The following CMIP variants were observed in gnomAD, a reference collection of about 807,000 sequenced individuals.
The protein encoded by CMIP is c-Maf inducing protein.
Under a neutral mutation model 97.3 loss-of-function variants are expected in CMIP, and 13 were observed. The observed-to-expected ratio is 0.13, with a 90% CI of 0.09 to 0.21. CMIP has a LOEUF of 0.21. CMIP is among the 10% of genes least tolerant of loss of function. The pLI is 1.00. For synonymous variants in CMIP, 538 were observed against 436.3 expected, an observed-to-expected ratio of 1.23 and a Z score of -2.91; for missense variants, 847 against 1,024.9, an observed-to-expected ratio of 0.83 and a Z score of 2.37.
chr16:81,633,902 T>G (rs1352669007), intron 3 of CMIP, among the ~76,000 whole-genome samples: 1 of 152,194 alleles, frequency 6.6e-6, no homozygotes, highest in East Asian at 1.9e-4. Flanking sequence ...GGCAGACCAT[T>G]CATCATGTCT....
intron 3 of CMIP, among the ~76,000 whole-genome samples, chr16:81,629,284 C>T (rs959120212): frequency 6.6e-6 from 1 of 152,102 alleles, no homozygotes; most frequent in Non-Finnish European, 1.5e-5. Flanking sequence ...CTCTCCCAGG[C>T]CCGGTGTCAC....
chr16:81,513,998 C>T (rs936864124), intron 1 of CMIP, among the ~76,000 whole-genome samples: 3 of 151,690 alleles, frequency 2.0e-5, no homozygotes, highest in South Asian at 2.1e-4. Flanking sequence ...ATGGGGTTTC[C>T]GTTGTGGTTG....
intron 1 of CMIP, among the ~76,000 whole-genome samples, chr16:81,493,732 C>T (rs1004982843): frequency 4.6e-5 from 7 of 152,246 alleles, no homozygotes; most frequent in South Asian, 2.1e-4. Context: ...GAGGGCCTAA[C>T]ATACACGAAG....
intron 3 of CMIP, among the ~76,000 whole-genome samples, chr16:81,624,659 G>T (rs1454948602): frequency 6.6e-6 from 1 of 152,156 alleles, no homozygotes; most frequent in Non-Finnish European, 1.5e-5. Context: ...ACAATAGTCT[G>T]TGGCCCTCCA....
chr16:81,458,278 C>T (rs889104979), intron 1 of CMIP, among the ~76,000 whole-genome samples: 9 of 152,156 alleles, frequency 5.9e-5, no homozygotes, highest in African/African-American at 2.2e-4. Flanking sequence ...ACCCCATCAC[C>T]TGGAAGGCTA....
At chr16:81,560,834 G>A (rs957515353) in intron 1 of CMIP, among the ~76,000 whole-genome samples, 5 of 152,314 alleles carry the variant, frequency 3.3e-5, no homozygotes, top group African/African-American at 1.2e-4. Context: ...TTGTAGCCCA[G>A]CCATAGGTGT....
Position 81,486,981 on chromosome 16 carries a change from C to T in CMIP, c.300+41440C>T, listed in dbSNP as rs1017138107. ...GGCGATAACCGCACTGGGCGTTGAGCGCCGTGAGGGAAGCTTCTGGAGGGA... is the reference window on the plus strand; with the variant it reads ...GGCGATAACCGCACTGGGCGTTGAGTGCCGTGAGGGAAGCTTCTGGAGGGA... On this transcript the variant is annotated intron_variant, in intron 1 of 20. Transcript: ENST00000537098. 3.9e-5 allele frequency among the ~76,000 whole-genome samples: 6 copies of T among 152,384 alleles called. No individual in the cohort carries two copies. In the South Asian group the frequency reaches 6.2e-4, roughly 16 times the overall value.
chr16:81,447,906 C>T (rs1905959706), intron 1 of CMIP, among the ~76,000 whole-genome samples: 1 of 152,304 alleles, frequency 6.6e-6, no homozygotes, highest in Non-Finnish European at 1.5e-5. Flanking sequence ...CATCATGAGA[C>T]ACCTGGTTGG....
chr16:81,640,405 C>T (rs559963037), intron 3 of CMIP, among the ~76,000 whole-genome samples: 8 of 151,882 alleles, frequency 5.3e-5, no homozygotes, highest in Admixed American at 2.6e-4. Context: ...TGGGGCTGGA[C>T]GGCTCAGCTC....
chr16:81,521,225 A>G (rs2090020527), intron 1 of CMIP, among the ~76,000 whole-genome samples: 1 of 152,214 alleles, frequency 6.6e-6, no homozygotes, highest in South Asian at 2.1e-4. Flanking sequence ...CCTTTCGGCA[A>G]GCCTTCCTGA....
rs192627556 is a variant in CMIP, at chr16:81,463,563, C to T, written c.300+18022C>T. Among the ~76,000 whole-genome samples the T allele has an allele frequency of 9.8e-5, 15 of 152,296 alleles. No individual in the cohort carries two copies. In the East Asian group the frequency reaches 2.5e-3, roughly 25 times the overall value. ...TCTCCTCCCTGAGGATTTTGTAGGA[C>T]GATTCAAGCCGGCTCTCTGCCCAGC... On this transcript the variant is annotated intron_variant, in intron 1 of 20. Transcript: ENST00000537098.
intron 1 of CMIP, among the ~76,000 whole-genome samples, chr16:81,497,845 C>G (rs1252550067): frequency 2.0e-5 from 3 of 152,270 alleles, no homozygotes; most frequent in Non-Finnish European, 4.4e-5. Context: ...AAAGAAAGCT[C>G]CTTCTGCCCG....
intron 1 of CMIP, among the ~76,000 whole-genome samples, chr16:81,513,169 C>T (rs910514475): frequency 6.6e-6 from 1 of 152,238 alleles, no homozygotes; most frequent in African/African-American, 2.4e-5. Context: ...GTTCTTTCCT[C>T]TTCTTGGTAG....
chr16:81,473,255 G>T (rs374415788), intron 1 of CMIP, among the ~76,000 whole-genome samples: 3 of 152,190 alleles, frequency 2.0e-5, no homozygotes, highest in Admixed American at 2.0e-4. Flanking sequence ...GTCTTCCTTC[G>T]TGTTTGCCGT....
chr16:81,595,390 T>C (rs928359354), intron 1 of CMIP, among the ~76,000 whole-genome samples: 2 of 150,634 alleles, frequency 1.3e-5, no homozygotes, highest in African/African-American at 4.9e-5. Context: ...CTTCTTTCTT[T>C]TTTTTTTTTT....
chr16:81,591,702 T>C (rs1392413926), intron 1 of CMIP, among the ~76,000 whole-genome samples: 1 of 152,028 alleles, frequency 6.6e-6, no homozygotes, highest in African/African-American at 2.4e-5. Flanking sequence ...CCCCAGGGCA[T>C]GGAGATGCTC....
chr16:81,611,549 C>G (rs77076281), intron 2 of CMIP: 19,130 of 152,896 alleles, frequency 0.13, 1,292 homozygotes, highest in Middle Eastern at 0.19. Flanking sequence ...CATGCCTTTT[C>G]TCCATCTCTC....
chr16:81,546,697 T>C (rs1477151729), intron 1 of CMIP, among the ~76,000 whole-genome samples: 6 of 152,164 alleles, frequency 3.9e-5, no homozygotes, highest in Admixed American at 3.3e-4. Context: ...GAGAACCAAG[T>C]GCTGTTCACT....
intron 1 of CMIP, among the ~76,000 whole-genome samples, chr16:81,564,670 G>T (rs1391374114): frequency 6.6e-6 from 1 of 152,180 alleles, no homozygotes; most frequent in Admixed American, 6.5e-5. Flanking sequence ...GGCTGCTCTG[G>T]ATTTTAAACA....
Sources: allele counts gnomAD v4.1 joint callset (sites outside exome capture counted in the v4.1 genomes callset), GRCh38; gene constraint gnomAD v4.1.1; transcripts MANE v1.5; gene names NCBI Gene and HGNC (gene_info 2026-07-23, HGNC 2026-07-21).